PPP2CB: variants seen among roughly 807,000 people sequenced by gnomAD.
PPP2CB encodes protein phosphatase 2 catalytic subunit beta, also known as serine/threonine-protein phosphatase 2A catalytic subunit beta isoform.
Under a neutral mutation model 39.1 loss-of-function variants are expected in PPP2CB, and 18 were observed. That is an observed-to-expected ratio of 0.46 (90% CI 0.32 to 0.68). The LOEUF is 0.68. Ranked by LOEUF, PPP2CB falls within the 30% of genes least tolerant of loss-of-function variation. The probability of loss-of-function intolerance (pLI) is 0.04; values close to 1 mark genes in which losing one functional copy is unlikely to be tolerated. For missense variants in PPP2CB, 226 were observed against 396.9 expected, an observed-to-expected ratio of 0.57 and a Z score of 3.66; for synonymous variants, 129 against 133.8, an observed-to-expected ratio of 0.96 and a Z score of 0.25.
chr8:30,803,723 T>C (rs1806663810), intron 1 of PPP2CB, among the ~76,000 whole-genome samples: 1 of 152,162 alleles, frequency 6.6e-6, no homozygotes, highest in Middle Eastern at 3.2e-3. Context: ...CAGTAAAAAT[T>C]ATACACACAT....
intron 6 of PPP2CB, among the ~76,000 whole-genome samples, chr8:30,788,288 G>T: frequency 6.6e-6 from 1 of 151,674 alleles, no homozygotes. Context: ...TCTGAGACAG[G>T]GTCTTTGCTC....
At chr8:30,788,215 C>T (rs1371427733) in intron 6 of PPP2CB, among the ~76,000 whole-genome samples, 1 of 151,240 alleles carries the variant, frequency 6.6e-6, no homozygotes, top group Non-Finnish European at 1.5e-5. Context: ...TTTTCTAGGT[C>T]CTCAAGTATA....
intron 6 of PPP2CB, among the ~76,000 whole-genome samples, chr8:30,789,380 T>A (rs957836676): frequency 6.6e-6 from 1 of 152,198 alleles, no homozygotes; most frequent in Non-Finnish European, 1.5e-5. Flanking sequence ...GGGCTGTCTC[T>A]GGGTAGGCAT....
chr8:30,806,691 AG>A (rs1806731424), intron 1 of PPP2CB, among the ~76,000 whole-genome samples: 1 of 152,212 alleles, frequency 6.6e-6, no homozygotes, highest in Non-Finnish European at 1.5e-5. Flanking sequence ...TTACCAAGGA[AG>A]GGCTTCATTC....
rs1407475436 is a variant in PPP2CB at position 30,801,315 on chromosome 8, G to A, written c.103-1560C>T. On this transcript the variant is annotated intron_variant, in intron 1 of 6. Coordinates refer to ENST00000221138, the MANE Select transcript of PPP2CB (RefSeq NM_001009552.2). Reference sequence around the variant, plus strand: ...TGGGAGGCTGAGGCAGGTGGATCACGAGGTCAGGAGATTGAGACCATCCTG... The same window carrying A: ...TGGGAGGCTGAGGCAGGTGGATCACAAGGTCAGGAGATTGAGACCATCCTG... Among the ~76,000 whole-genome samples the A allele has an allele frequency of 4.6e-5, 7 of 152,034 alleles. No individual in the cohort carries two copies. The East Asian group carries it at 9.6e-4, about 21-fold the overall frequency.
intron 1 of PPP2CB, among the ~76,000 whole-genome samples, chr8:30,805,796 T>C (rs113867081): frequency 3.3e-5 from 5 of 152,330 alleles, no homozygotes; most frequent in Non-Finnish European, 5.9e-5. Context: ...TTCCACATTT[T>C]TGGTGTAACA....
At chr8:30,797,393 T>C (rs138157351) in intron 3 of PPP2CB, among the ~76,000 whole-genome samples, 188 bp downstream of exon 3, 6 of 152,302 alleles carry the variant, frequency 3.9e-5, no homozygotes, top group African/African-American at 1.2e-4. Context: ...ACAGGAAAAT[T>C]TGCTGGTCCA....
chr8:30,798,646 C>A (rs1399103520), intron 2 of PPP2CB, among the ~76,000 whole-genome samples: 2 of 152,184 alleles, frequency 1.3e-5, no homozygotes, highest in African/African-American at 2.4e-5. Flanking sequence ...TGTATGCCTG[C>A]AGTTAAGTGA....
At chr8:30,806,793 C>T (rs945606981) in intron 1 of PPP2CB, among the ~76,000 whole-genome samples, 3 of 152,036 alleles carry the variant, frequency 2.0e-5, no homozygotes, top group Non-Finnish European at 2.9e-5. Flanking sequence ...AAGGCACACA[C>T]GGCAATAAAA....
At chr8:30,810,016 T>C (rs1806798465) in intron 1 of PPP2CB, 1 of 151,862 alleles carries the variant, frequency 6.6e-6, no homozygotes, top group African/African-American at 2.4e-5. Flanking sequence ...ACTGTTAGTC[T>C]GATTTATTTA....
chr8:30,812,449 A>G lies in PPP2CB; in HGVS notation c.-28T>C. Reference sequence around the variant, plus strand: ...CGGCCCGATCCCGATGCGGATCCCGAGCCCCAGCCCGGCCGCCGCCCTCCC... The same window carrying G: ...CGGCCCGATCCCGATGCGGATCCCGGGCCCCAGCCCGGCCGCCGCCCTCCC... On this transcript the variant is annotated 5_prime_UTR_variant, in exon 1 of 7. Transcript: ENST00000221138. The G allele has an allele frequency of 6.8e-7, 1 of 1,471,302 alleles. No individual in the cohort carries two copies. The highest frequency in any genetic ancestry group is 9.1e-7 in the Non-Finnish European group (1 of 1,104,056). 91.1% of individuals were successfully genotyped at this position (1,471,302 alleles called of 1,614,324 possible).
chr8:30,793,663 G>T, intron 5 of PPP2CB: 1 of 338,642 alleles, frequency 3.0e-6, no homozygotes. Flanking sequence ...TTACAGTCAG[G>T]AATCTGAATG....
intron 1 of PPP2CB, among the ~76,000 whole-genome samples, chr8:30,803,833 T>C (rs1164171334): frequency 3.3e-5 from 5 of 152,044 alleles, no homozygotes; most frequent in Non-Finnish European, 7.4e-5. Flanking sequence ...TTTTTTTTTT[T>C]TGAGACGGAG....
chr8:30,809,064 T>G (rs998045405), intron 1 of PPP2CB, among the ~76,000 whole-genome samples: 1 of 150,144 alleles, frequency 6.7e-6, no homozygotes, highest in Non-Finnish European at 1.5e-5. Flanking sequence ...AGTGCAACAC[T>G]ACGCCCAGCT....
At chr8:30,794,514 TG>T (rs1275278514) in intron 3 of PPP2CB, 2 of 433,850 alleles carry the variant, frequency 4.6e-6, no homozygotes, top group East Asian at 4.2e-5. Context: ...TCCTTTTCTC[TG>T]GTCAATGGTA....
chr8:30,797,903 T>A, intron 2 of PPP2CB, 149 bp from the exon 3 acceptor site: 2 of 751,524 alleles, frequency 2.7e-6, no homozygotes, highest in Admixed American at 3.1e-5. Context: ...AAAAACTTGC[T>A]TATTCATAAC....
chr8:30,795,530 T>C (rs889529288), intron 3 of PPP2CB, among the ~76,000 whole-genome samples: 2 of 152,220 alleles, frequency 1.3e-5, no homozygotes, highest in Admixed American at 6.5e-5. Context: ...GAATTTTTTT[T>C]CCAAATGACT....
At chr8:30,792,506 C>T (rs1018884477) in intron 5 of PPP2CB, among the ~76,000 whole-genome samples, 1 of 151,890 alleles carries the variant, frequency 6.6e-6, no homozygotes, top group African/African-American at 2.4e-5. Context: ...TGCAGCGGTA[C>T]GATCATAGCT....
At chr8:30,795,757 AT>A (rs1430100896) in intron 3 of PPP2CB, among the ~76,000 whole-genome samples, 1 of 152,222 alleles carries the variant, frequency 6.6e-6, no homozygotes, top group Non-Finnish European at 1.5e-5. Context: ...CTGCAAGCCA[AT>A]TTTAATAACT....
Sources: gnomAD v4.1 joint callset for allele counts (sites outside exome capture counted in the v4.1 genomes callset) on GRCh38, gnomAD v4.1.1 for gene constraint, MANE v1.5 for transcripts, NCBI Gene and HGNC (gene_info 2026-07-23, HGNC 2026-07-21) for gene names.